The following CD27 variants were observed in gnomAD, a reference collection of about 807,000 sequenced individuals.
The protein encoded by CD27 is CD27 molecule, also known as CD27 antigen.
In CD27, 16 loss-of-function variants were observed where a neutral mutation model predicts 25.9. That is an observed-to-expected ratio of 0.62 (90% CI 0.42 to 0.94). The LOEUF (loss-of-function observed/expected upper bound fraction) is 0.94, where lower values mean the gene tolerates loss of function less well. CD27 is among the 40% of genes least tolerant of loss of function. CD27 has a pLI of 0.00. For synonymous variants in CD27, 142 were observed against 124.3 expected (o/e 1.14, Z -0.95); for missense variants, 300 against 333.2 (o/e 0.90, Z 0.78).
At chr12:6,444,924 A>AG, upstream of CD27, 1 of 613,286 alleles carries the variant, frequency 1.6e-6, no homozygotes, top group Non-Finnish European at 2.6e-6. Flanking sequence ...TATGAGAGAG[A>AG]AAAAAAAAAC....
intron 2 of CD27, chr12:6,448,062 C>G (rs1328233818): frequency 6.6e-6 from 1 of 152,368 alleles, no homozygotes; most frequent in Non-Finnish European, 1.5e-5. Context: ...ACAAGGAAAC[C>G]AAATTCTAGT....
Position 6,445,037 on chromosome 12 carries a change from T to A in CD27, c.-59T>A. On this transcript the variant is annotated 5_prime_UTR_variant, in exon 1 of 6. Transcript: ENST00000266557. The surrounding 1 kb of genome is among the most constrained non-coding windows in gnomAD (Gnocchi z 4.5). ...ACAGCAGCGCCCAGCTTGGAGGTGC[T>A]AACTCCAGAGGCCAGCATCAGCAAC... 6.6e-7 allele frequency: 1 copy of A among 1,522,266 alleles called. No individual in the cohort carries two copies. Among genetic ancestry groups the A allele is most frequent in the Non-Finnish European group, 8.8e-7 (1 of 1,139,456 alleles). The allele number at this position is 1,522,266 out of a possible 1,614,324, so 94.3% of individuals were successfully genotyped here.
chr12:6,451,065 T>A, intron 5 of CD27, 51 bp downstream of exon 5: 1 of 1,611,506 alleles, frequency 6.2e-7, no homozygotes, highest in Non-Finnish European at 8.5e-7. Context: ...CACACCCCAC[T>A]GGCTCAACCC....
upstream of CD27, among the ~76,000 whole-genome samples, chr12:6,444,022 T>A (rs775689589): frequency 2.0e-5 from 3 of 152,220 alleles, no homozygotes; most frequent in Non-Finnish European, 2.9e-5. Flanking sequence ...AAAAAAGAGA[T>A]GACCCCCGTA....
chr12:6,449,312 TTTC>T (rs1301850729), intron 2 of CD27, among the ~76,000 whole-genome samples: 5 of 90,826 alleles, frequency 5.5e-5, no homozygotes, highest in Admixed American at 2.0e-4. Context: ...CTTTCTTTCT[TTTC>T]TTTTTTTTTT....
rs1949526653 is a variant in CD27, at chr12:6,450,842, G to A, written c.539-53G>A. On this transcript the variant is annotated intron_variant, in intron 4 of 5. Transcript: ENST00000266557. The surrounding 1 kb of genome is among the most constrained non-coding windows in gnomAD (Gnocchi z 4.1). ...AAGGTGACAGGAGGGCTGGGCTGAG[G>A]GAGCCAAGGGCTAGACCCTCCCCTA... is the stretch of plus-strand genomic sequence containing the variant. 2 of 1,610,956 alleles carry A rather than the reference G, an allele frequency of 1.2e-6. No homozygotes were observed. The highest frequency in any genetic ancestry group is 1.1e-5 in the South Asian group (1 of 90,928).
chr12:6,449,317 T>TTTC (rs1402337677), intron 2 of CD27, among the ~76,000 whole-genome samples: 1 of 142,334 alleles, frequency 7.0e-6, no homozygotes, highest in African/African-American at 2.7e-5. Context: ...TTTCTTTTCT[T>TTTC]TTTTTTTTTT....
chr12:6,444,951 C>A, upstream of CD27: 1 of 800,114 alleles, frequency 1.2e-6, no homozygotes, highest in Non-Finnish European at 1.9e-6. Flanking sequence ...AATAGAGATT[C>A]TGCCTTCAAA....
At position 6,446,254 on chromosome 12, in the gene CD27, C is replaced by T. The variant is rs775069470; in HGVS notation, c.268+699C>T. ...CCAGGTAACTGTAACTATTAAACTA[C>T]CTACTTGCAAAACGTGTTTGGTGTC... On this transcript the variant is annotated intron_variant, in intron 2 of 5. Transcript: ENST00000266557. 3.3e-5 allele frequency among the ~76,000 whole-genome samples: 5 copies of T among 152,156 alleles called. No homozygotes were observed. In the East Asian group the frequency reaches 9.6e-4, roughly 29 times the overall value.
chr12:6,446,370 T>C (rs763919999), intron 2 of CD27, among the ~76,000 whole-genome samples: 4 of 152,164 alleles, frequency 2.6e-5, no homozygotes, highest in Non-Finnish European at 4.4e-5. Flanking sequence ...GGTGCAATCA[T>C]AGCTCCCCAC....
upstream of CD27, among the ~76,000 whole-genome samples, chr12:6,443,923 A>G (rs1367007741): frequency 2.6e-5 from 4 of 152,018 alleles, no homozygotes; most frequent in Admixed American, 2.0e-4. Context: ...GAGGCTGTTG[A>G]CCCGTGTGTG....
Position 6,445,647 on chromosome 12 carries a change from C to A in CD27, c.268+92C>A. 2 of 1,480,378 alleles carry A rather than the reference C, an allele frequency of 1.4e-6. No homozygotes were observed. The highest frequency in any genetic ancestry group is 9.0e-7 in the Non-Finnish European group (1 of 1,105,272). 91.7% of individuals were successfully genotyped at this position (1,480,378 alleles called of 1,614,324 possible). A position where few individuals can be genotyped will look rare whatever the true frequency, so the allele number is the denominator to read the frequency against. On this transcript the variant is annotated intron_variant, in intron 2 of 5. Transcript: ENST00000266557. The surrounding 1 kb of genome is among the most constrained non-coding windows in gnomAD (Gnocchi z 4.5). The stretch of plus-strand genomic sequence containing the variant: ...GGGTTTGGGGGTGCAAGGAGGATGA[C>A]GGGGCCAAAGCTTTGGCCTTCTTCA...
At chr12:6,444,789 G>A (rs1949388307), upstream of CD27, 2 of 270,314 alleles carry the variant, frequency 7.4e-6, no homozygotes, top group East Asian at 1.8e-4. Context: ...ATGAGCAGGA[G>A]AGGCGGAAAC....
In CD27 at chr12:6,445,162, G is replaced by GC. The variant is rs758426151; in HGVS notation, c.72dup (p.Lys25GlnfsTer20). On this transcript the variant is annotated frameshift_variant, in exon 1 of 6. Coordinates refer to ENST00000266557, the MANE Select transcript of CD27 (RefSeq NM_001242.5). LOFTEE classifies it high-confidence loss of function. The surrounding 1 kb of genome is among the most constrained non-coding windows in gnomAD (Gnocchi z 4.5). ...CCTGGTGGGGCTCTCAGCTACTCCA[G>GC]CCCCCAAGAGCTGCCCAGAGAGGCA... The GC allele has an allele frequency of 1.2e-6, 2 of 1,610,574 alleles. No individual in the cohort carries two copies. The highest frequency in any genetic ancestry group is 1.7e-6 in the Non-Finnish European group (2 of 1,178,788).
In CD27 at chr12:6,445,665, C is replaced by T; in HGVS notation, c.268+110C>T. ...AGGATGACGGGGCCAAAGCTTTGGCCTTCTTCAAGGCTCACAGCAAGTGGA... is the reference window on the plus strand; with the variant it reads ...AGGATGACGGGGCCAAAGCTTTGGCTTTCTTCAAGGCTCACAGCAAGTGGA... On this transcript the variant is annotated intron_variant, in intron 2 of 5. Transcript: ENST00000266557. The surrounding 1 kb of genome is among the most constrained non-coding windows in gnomAD (Gnocchi z 4.5). 1 of 1,387,048 alleles carries T rather than the reference C, an allele frequency of 7.2e-7. No homozygotes were observed. Among genetic ancestry groups the T allele is most frequent in the Non-Finnish European group, 9.7e-7 (1 of 1,036,118 alleles). The allele number at this position is 1,387,048 out of a possible 1,614,324, so 85.9% of individuals were successfully genotyped here.
intron 2 of CD27, chr12:6,447,906 T>G (rs1008143442): frequency 3.3e-5 from 5 of 152,224 alleles, no homozygotes; most frequent in Non-Finnish European, 4.4e-5. Flanking sequence ...CAGCAGCTTC[T>G]TTAACCCCTC....
At position 6,450,530 on chromosome 12, in the gene CD27, T is replaced by C. The variant is rs1482272394; in HGVS notation, c.449-11T>C. Reference sequence around the variant, plus strand: ...CCCCTGCTGCTACTCATTCTGTCTCTGTTTTTCCAGAGATGCTGGAGGCCA... The same window carrying C: ...CCCCTGCTGCTACTCATTCTGTCTCCGTTTTTCCAGAGATGCTGGAGGCCA... On this transcript the variant is annotated splice_polypyrimidine_tract_variant and intron_variant, in intron 3 of 5. Transcript: ENST00000266557. This position sits in a 1 kb window ranked among gnomAD's most constrained non-coding sequence, Gnocchi z 4.1. 1.2e-6 allele frequency: 2 copies of C among 1,612,842 alleles called. No individual in the cohort carries two copies. Among genetic ancestry groups the C allele is most frequent in the Non-Finnish European group, 8.5e-7 (1 of 1,179,440 alleles).
chr12:6,445,652 C>A lies in CD27; in HGVS notation c.268+97C>A. 2.1e-6 allele frequency: 3 copies of A among 1,459,554 alleles called. No homozygotes were observed. The highest frequency in any genetic ancestry group is 2.7e-6 in the Non-Finnish European group (3 of 1,092,244). 90.4% of individuals were successfully genotyped at this position (1,459,554 alleles called of 1,614,324 possible). On this transcript the variant is annotated intron_variant, in intron 2 of 5. Coordinates refer to ENST00000266557, the MANE Select transcript of CD27 (RefSeq NM_001242.5). This position sits in a 1 kb window ranked among gnomAD's most constrained non-coding sequence, Gnocchi z 4.5. ...TGGGGGTGCAAGGAGGATGACGGGG[C>A]CAAAGCTTTGGCCTTCTTCAAGGCT...
chr12:6,450,541 A>T lies in CD27; in HGVS notation c.449A>T (p.Glu150Val), dbSNP rs1256304620. The change falls in exon 4 of 6, where the codon GAG becomes GTG. Residue 150 changes from glutamate to valine, a missense_variant and splice_region_variant. By Grantham distance (121) the Glu-to-Val change is moderately radical (BLOSUM62 -2). Coordinates refer to ENST00000266557, the MANE Select transcript of CD27 (RefSeq NM_001242.5). This position sits in a 1 kb window ranked among gnomAD's most constrained non-coding sequence, Gnocchi z 4.1. The stretch of plus-strand genomic sequence containing the variant: ...ACTCATTCTGTCTCTGTTTTTCCAG[A>T]GATGCTGGAGGCCAGGACAGCTGGG... ...PQPTHLPYVS[E>V]MLEARTAGHM... The T allele has an allele frequency of 6.2e-7, 1 of 1,613,184 alleles. No homozygotes were observed. The highest frequency in any genetic ancestry group is 1.7e-4 in the Middle Eastern group (1 of 6,056).
Sources: allele counts gnomAD v4.1 joint callset (sites outside exome capture counted in the v4.1 genomes callset), GRCh38; gene constraint gnomAD v4.1.1; non-coding constraint Gnocchi (gnomAD v3.1); transcripts MANE v1.5; gene names NCBI Gene and HGNC (gene_info 2026-07-23, HGNC 2026-07-21).